EYS: variants seen among roughly 807,000 people sequenced by gnomAD.
EYS encodes the protein EGF-like photoreceptor maintenance factor, also known as protein eyes shut homolog.
Under a neutral mutation model 282.1 loss-of-function variants are expected in EYS, and 250 were observed. The observed-to-expected ratio is 0.89, with a 90% CI of 0.80 to 0.98. EYS has a LOEUF of 0.98. Ranked by LOEUF, EYS falls within the 50% of genes least tolerant of loss-of-function variation. The probability of loss-of-function intolerance (pLI) is 0.00; values close to 1 mark genes in which losing one functional copy is unlikely to be tolerated. For missense variants in EYS, 4,016 were observed against 3,709.0 expected (o/e 1.08, Z -2.15); for synonymous variants, 1,355 against 1,282.9 (o/e 1.06, Z -1.20).
rs1479266392 is a variant in EYS at position 64,245,583 on chromosome 6, A to G, written c.6192-14759T>C. On this transcript the variant is annotated intron_variant, in intron 30 of 42. Coordinates refer to ENST00000503581, the MANE Select transcript of EYS (RefSeq NM_001142800.2). Reference sequence around the variant, plus strand: ...CTTTAAAAAAATTCTGTATCTGATAATGGCAACCTCTGATCTTTGCAGATT... The same window carrying G: ...CTTTAAAAAAATTCTGTATCTGATAGTGGCAACCTCTGATCTTTGCAGATT... Among the ~76,000 whole-genome samples the G allele has an allele frequency of 3.3e-5, 5 of 152,148 alleles. No homozygotes were observed. In the East Asian group the frequency reaches 9.6e-4, roughly 29 times the overall value.
At chr6:64,412,549 T>C (rs1475907240) in intron 28 of EYS, 1 of 152,140 alleles carries the variant, frequency 6.6e-6, no homozygotes, top group Admixed American at 6.6e-5. Context: ...AGGATGTTAA[T>C]AATGGCAAAT....
intron 13 of EYS, among the ~76,000 whole-genome samples, chr6:65,005,377 A>G (rs1771610487): frequency 6.8e-6 from 1 of 147,302 alleles, no homozygotes. Context: ...CCAAGATTCC[A>G]TTCCTCGGAA....
At chr6:64,746,681 C>T (rs1583108180) in intron 22 of EYS, among the ~76,000 whole-genome samples, 1 of 152,250 alleles carries the variant, frequency 6.6e-6, no homozygotes, top group Non-Finnish European at 1.5e-5. Flanking sequence ...TTTGAATTGG[C>T]TCCACCACAA....
At chr6:64,681,692 G>A (rs1364219961) in intron 22 of EYS, among the ~76,000 whole-genome samples, 1 of 152,076 alleles carries the variant, frequency 6.6e-6, no homozygotes, top group Non-Finnish European at 1.5e-5. Flanking sequence ...AGGATGTTGC[G>A]GGACAATCAA....
intron 31 of EYS, among the ~76,000 whole-genome samples, chr6:64,115,734 G>A (rs1464687596): frequency 6.6e-6 from 1 of 152,110 alleles, no homozygotes; most frequent in Non-Finnish European, 1.5e-5. Context: ...GAAGAAGACT[G>A]TTCTATTAAA....
chr6:64,194,064 G>A (rs564835592), intron 31 of EYS, among the ~76,000 whole-genome samples: 3 of 152,000 alleles, frequency 2.0e-5, no homozygotes, highest in African/African-American at 7.3e-5. Flanking sequence ...AGTAGAGACG[G>A]GGTTTCACCA....
chr6:64,032,841 C>T (rs1307955534), intron 33 of EYS, among the ~76,000 whole-genome samples: 1 of 152,218 alleles, frequency 6.6e-6, no homozygotes, highest in Non-Finnish European at 1.5e-5. Flanking sequence ...ACCCTTCTAG[C>T]ATCTCAATTT....
rs747590807 is a variant in EYS, at chr6:63,828,601, AG to A, written c.7229-22230del. On this transcript the variant is annotated intron_variant, in intron 36 of 42. Transcript: ENST00000503581. Reference sequence around the variant, plus strand: ...ATCTGACAAAGGACTCATATCCAGAAGCTATAATGAACTCAAATTAGTAAGA... The same window carrying A: ...ATCTGACAAAGGACTCATATCCAGAACTATAATGAACTCAAATTAGTAAGA... 3.9e-5 allele frequency among the ~76,000 whole-genome samples: 6 copies of A among 152,338 alleles called. No individual in the cohort carries two copies. In the East Asian group the frequency reaches 5.8e-4, roughly 15 times the overall value.
At chr6:65,479,769 A>G (rs988810875) in intron 5 of EYS, among the ~76,000 whole-genome samples, 17 of 152,172 alleles carry the variant, frequency 1.1e-4, no homozygotes, top group Admixed American at 6.5e-5. Flanking sequence ...AATGTTTCAT[A>G]AAGAAGGCAC....
intron 13 of EYS, among the ~76,000 whole-genome samples, chr6:65,015,968 C>T (rs983559931): frequency 2.0e-5 from 3 of 150,038 alleles, no homozygotes; most frequent in African/African-American, 7.4e-5. Flanking sequence ...TTTCTTGAAC[C>T]CAGGAGGCAG....
intron 31 of EYS, among the ~76,000 whole-genome samples, chr6:64,132,662 A>T (rs1774018666): frequency 1.3e-5 from 2 of 151,898 alleles, no homozygotes; most frequent in Non-Finnish European, 2.9e-5. Context: ...TAGCCTCTTT[A>T]TTCCAAATCT....
chr6:64,063,823 G>T (rs1196692677), intron 33 of EYS, among the ~76,000 whole-genome samples: 1 of 152,100 alleles, frequency 6.6e-6, no homozygotes, highest in South Asian at 2.1e-4. Flanking sequence ...TGCCTCCTGG[G>T]TTCAAAGGGG....
chr6:64,257,787 T>TGAA (rs1413796037), intron 30 of EYS, among the ~76,000 whole-genome samples: 83 of 151,998 alleles, frequency 5.5e-4, no homozygotes, highest in African/African-American at 1.9e-3. Flanking sequence ...ATGATGATGA[T>TGAA]GATGATGATG....
chr6:64,795,891 G>A (rs1310903487), intron 22 of EYS, among the ~76,000 whole-genome samples: 1 of 152,168 alleles, frequency 6.6e-6, no homozygotes, highest in East Asian at 1.9e-4. Context: ...TGTGTACTGA[G>A]GGTTTATGCA....
intron 29 of EYS, among the ~76,000 whole-genome samples, chr6:64,310,912 T>A (rs1204491925): frequency 1.3e-5 from 2 of 151,950 alleles, no homozygotes; most frequent in East Asian, 3.8e-4. Flanking sequence ...AAGCTCAAAG[T>A]TAAAAATCAA....
At chr6:64,768,629 G>A (rs1773426186) in intron 22 of EYS, among the ~76,000 whole-genome samples, 1 of 152,140 alleles carries the variant, frequency 6.6e-6, no homozygotes, top group Non-Finnish European at 1.5e-5. Context: ...GTAGCTCTCT[G>A]ATAAATTGAT....
intron 12 of EYS, among the ~76,000 whole-genome samples, chr6:65,096,671 T>C (rs1019292735): frequency 2.6e-5 from 4 of 150,968 alleles, no homozygotes; most frequent in African/African-American, 9.7e-5. Flanking sequence ...TCAAACAGAA[T>C]AGACAGCCTG....
chr6:65,526,737 C>T (rs1023171613), intron 2 of EYS, among the ~76,000 whole-genome samples: 1 of 152,056 alleles, frequency 6.6e-6, no homozygotes, highest in South Asian at 2.1e-4. Flanking sequence ...ACTCGGAAGG[C>T]GAAGCTTGCA....
chr6:64,565,646 A>C, intron 26 of EYS, among the ~76,000 whole-genome samples: 1 of 152,114 alleles, frequency 6.6e-6, no homozygotes. Context: ...AATGATATAA[A>C]GTTTGAGTTG....
Sources: allele counts gnomAD v4.1 joint callset (sites outside exome capture counted in the v4.1 genomes callset), GRCh38; gene constraint gnomAD v4.1.1; transcripts MANE v1.5; gene names NCBI Gene and HGNC (gene_info 2026-07-23, HGNC 2026-07-21).